XPO7: variants seen among roughly 807,000 people sequenced by gnomAD.
XPO7 encodes the protein exportin 7.
In XPO7, 21 loss-of-function variants were observed where a neutral mutation model predicts 144.3. The observed-to-expected ratio is 0.15, with a 90% CI of 0.10 to 0.21. The LOEUF is 0.21. Among genes scored for constraint, XPO7 ranks in the 10% least tolerant of loss-of-function variants. The pLI is 1.00. For synonymous variants in XPO7, 580 were observed against 499.6 expected (o/e 1.16, Z -2.15); for missense variants, 808 against 1,325.8 (o/e 0.61, Z 6.06).
chr8:21,938,712 C>G (rs529873925), intron 1 of XPO7, among the ~76,000 whole-genome samples: 1 of 152,096 alleles, frequency 6.6e-6, no homozygotes, highest in East Asian at 1.9e-4. Context: ...TGAAGGTGAT[C>G]AGCCAGATGA....
At chr8:21,969,376 A>G (rs1418431699) in intron 2 of XPO7, 107 bp from the exon 3 acceptor site, 10 of 963,824 alleles carry the variant, frequency 1.0e-5, no homozygotes, top group East Asian at 2.6e-5. Context: ...CAAATCTGCC[A>G]AAACTGATTG....
chr8:21,965,815 G>C (rs1811864308), intron 1 of XPO7, among the ~76,000 whole-genome samples: 1 of 152,136 alleles, frequency 6.6e-6, no homozygotes, highest in African/African-American at 2.4e-5. Flanking sequence ...ATATATTTTA[G>C]GCAATTTACA....
intron 2 of XPO7, among the ~76,000 whole-genome samples, chr8:21,968,931 A>C (rs147808755): frequency 2.4e-4 from 36 of 152,332 alleles, no homozygotes; most frequent in African/African-American, 8.2e-4. Flanking sequence ...AATAACCTTA[A>C]GTTTACTTTT....
chr8:21,971,472 T>C (rs1485256797), intron 4 of XPO7, among the ~76,000 whole-genome samples: 1 of 152,250 alleles, frequency 6.6e-6, no homozygotes, highest in Non-Finnish European at 1.5e-5. Flanking sequence ...TATATTTGTT[T>C]TTCTGTGAAC....
chr8:21,994,539 A>T, intron 20 of XPO7, 88 bp downstream of exon 20: 1 of 1,244,160 alleles, frequency 8.0e-7, no homozygotes, highest in Non-Finnish European at 1.1e-6. Flanking sequence ...TGTAGGGGGA[A>T]GGGAGGGTAG....
At chr8:21,999,949 A>G (rs182283408) in intron 24 of XPO7, among the ~76,000 whole-genome samples, 8 of 152,344 alleles carry the variant, frequency 5.3e-5, no homozygotes, top group Non-Finnish European at 7.3e-5. Context: ...GGTAGAACAG[A>G]CACATGAACA....
At position 21,969,537 on chromosome 8, in the gene XPO7, A is replaced by G; in HGVS notation, c.220A>G (p.Thr74Ala). The change falls in exon 3 of 28, where the codon ACA becomes GCA. Residue 74 changes from threonine (T) to alanine (A), a missense_variant. By Grantham distance (58) the Thr-to-Ala change is moderately conservative. This residue lies in a region of XPO7 where 223 missense variants were observed against 368.8 expected (regional missense o/e 0.60). Coordinates refer to ENST00000252512, the MANE Select transcript of XPO7 (RefSeq NM_015024.5). Reference sequence around the variant, plus strand: ...ATGCCTTACCAAGCTTGTATCACGCACAAACAACCCCCTACCATTGGAACA... The same window carrying G: ...ATGCCTTACCAAGCTTGTATCACGCGCAAACAACCCCCTACCATTGGAACA... ...ATCLTKLVSR[T>A]NNPLPLEQRI... The G allele has an allele frequency of 6.2e-7, 1 of 1,613,838 alleles. No individual in the cohort carries two copies. Among genetic ancestry groups the G allele is most frequent in the African/African-American group, 1.3e-5 (1 of 75,044 alleles).
intron 16 of XPO7, 138 bp from the exon 17 acceptor site, chr8:21,990,197 TTTTTTCATA>T (rs1812724001): frequency 1.3e-6 from 1 of 753,388 alleles, no homozygotes; most frequent in Admixed American, 2.5e-5. Flanking sequence ...AGAGAATGCA[TTTTTTCATA>T]TTTGGCAGTG....
At position 21,999,614 on chromosome 8, in the gene XPO7, C is replaced by G. The variant is rs1369024827; in HGVS notation, c.2722C>G (p.Leu908Val). 1.2e-6 allele frequency: 2 copies of G among 1,613,866 alleles called. No individual in the cohort carries two copies. The highest frequency in any genetic ancestry group is 1.7e-6 in the Non-Finnish European group (2 of 1,179,898). ...GGACCATATGAACTTTATTGCAAGC[C>G]TGGAACCTCACGTCATCATGTATAT... ...TQDHMNFIAS[L>V]EPHVIMYILS... Residue 908 changes from leucine (L) to valine (V), a missense_variant, in exon 24 of 28, where the codon CTG becomes GTG. By Grantham distance (32) the Leu-to-Val change is conservative. Transcript: ENST00000252512.
At position 21,969,577 on chromosome 8, in the gene XPO7, G is replaced by A. The variant is rs1811987012; in HGVS notation, c.259+1G>A. 1 of 1,611,966 alleles carries A rather than the reference G, an allele frequency of 6.2e-7. No homozygotes were observed. ...CCATTGGAACAGCGAATAGATATTC[G>A]TAAGTGGAGAATTTTCTGTTCTGTC... On this transcript the variant is annotated splice_donor_variant, in intron 3 of 27. Coordinates refer to ENST00000252512, the MANE Select transcript of XPO7 (RefSeq NM_015024.5). LOFTEE classifies it high-confidence loss of function.
At chr8:21,974,921 C>A in intron 6 of XPO7, 147 bp downstream of exon 6, 1 of 652,504 alleles carries the variant, frequency 1.5e-6, no homozygotes, top group African/African-American at 1.9e-5. Context: ...CTCATAGAGG[C>A]GTTGAAGAAA....
chr8:21,998,165 G>A (rs1168751868), intron 21 of XPO7, among the ~76,000 whole-genome samples: 1 of 152,188 alleles, frequency 6.6e-6, no homozygotes, highest in Non-Finnish European at 1.5e-5. Flanking sequence ...ATCAAGGCCG[G>A]GCACGGTGGC....
At chr8:21,963,643 C>G (rs374879734) in intron 1 of XPO7, among the ~76,000 whole-genome samples, 4 of 151,078 alleles carry the variant, frequency 2.6e-5, no homozygotes, top group Admixed American at 2.6e-4. Context: ...TACAGTGAGC[C>G]GAGATCACAT....
intron 1 of XPO7, among the ~76,000 whole-genome samples, chr8:21,964,613 CAAA>C: frequency 7.0e-6 from 1 of 142,036 alleles, no homozygotes; most frequent in Admixed American, 7.1e-5. Context: ...CTTCTGGGAA[CAAA>C]AAAAAAAAAT....
chr8:21,949,853 C>T (rs1053049649), intron 1 of XPO7, among the ~76,000 whole-genome samples: 2 of 152,174 alleles, frequency 1.3e-5, no homozygotes, highest in Admixed American at 6.5e-5. Context: ...CCTTAGCCTC[C>T]CGAATAGCTG....
chr8:22,001,115 C>A (rs1427457290), intron 24 of XPO7, among the ~76,000 whole-genome samples: 1 of 151,978 alleles, frequency 6.6e-6, no homozygotes, highest in Admixed American at 6.6e-5. Flanking sequence ...GAGCTCGAGA[C>A]CAGCCTGGCC....
intron 20 of XPO7, among the ~76,000 whole-genome samples, chr8:21,995,076 T>G (rs1017381393): frequency 6.6e-6 from 1 of 151,348 alleles, no homozygotes; most frequent in Non-Finnish European, 1.5e-5. Flanking sequence ...ATAATAATAA[T>G]AATAATAATA....
chr8:21,998,101 G>A (rs1813012238), intron 21 of XPO7, among the ~76,000 whole-genome samples: 1 of 152,200 alleles, frequency 6.6e-6, no homozygotes, highest in South Asian at 2.1e-4. Flanking sequence ...GCCAACTAAT[G>A]GCTGAAGGGC....
chr8:21,957,145 G>A (rs1811561900), intron 1 of XPO7, among the ~76,000 whole-genome samples: 1 of 151,886 alleles, frequency 6.6e-6, no homozygotes. Context: ...GAGTATGTCT[G>A]CACACTGAAA....
Sources: allele counts gnomAD v4.1 joint callset (sites outside exome capture counted in the v4.1 genomes callset), GRCh38; gene constraint gnomAD v4.1.1; regional missense constraint gnomAD v4.1.1; transcripts MANE v1.5; gene names NCBI Gene and HGNC (gene_info 2026-07-23, HGNC 2026-07-21).